Variants in GNAQ observed in about 807,000 individuals in gnomAD.
GNAQ encodes the protein guanine nucleotide-binding protein G(q) subunit alpha.
A neutral mutation model predicts 43.9 loss-of-function variants in GNAQ; 8 were observed. The observed-to-expected ratio is 0.18, with a 90% CI of 0.11 to 0.33. GNAQ has a LOEUF of 0.33. GNAQ is among the 10% of genes least tolerant of loss of function. The pLI, the probability that GNAQ is intolerant of heterozygous loss-of-function variation, is 1.00. For missense variants in GNAQ, 158 were observed against 450.8 expected, an observed-to-expected ratio of 0.35 and a Z score of 5.88; for synonymous variants, 155 against 170.7, an observed-to-expected ratio of 0.91 and a Z score of 0.71.
Position 77,749,903 on chromosome 9 carries a change from T to G in GNAQ, c.736-21236A>C, listed in dbSNP as rs1412051873. Among the ~76,000 whole-genome samples, 5 of 152,078 alleles carry G rather than the reference T, an allele frequency of 3.3e-5. No homozygotes were observed. The East Asian group carries it at 7.7e-4, about 23-fold the overall frequency. On this transcript the variant is annotated intron_variant, in intron 5 of 6. Coordinates refer to ENST00000286548, the MANE Select transcript of GNAQ (RefSeq NM_002072.5). The stretch of plus-strand genomic sequence containing the variant: ...ATGGGTTTTGATGTGATGAAAAAAA[T>G]ATTGTGTATATTTTTTTCATACATT...
At chr9:77,824,497 G>A (rs1827164465) in intron 2 of GNAQ, among the ~76,000 whole-genome samples, 1 of 152,112 alleles carries the variant, frequency 6.6e-6, no homozygotes, top group African/African-American at 2.4e-5. Context: ...ATTGCAGCTT[G>A]TTTGGATACA....
chr9:77,864,479 T>C (rs550780947), intron 2 of GNAQ, among the ~76,000 whole-genome samples: 1 of 152,280 alleles, frequency 6.6e-6, no homozygotes, highest in East Asian at 1.9e-4. Flanking sequence ...GTGGGCCCAA[T>C]GTAATCACAA....
chr9:77,943,660 C>CTTTTT (rs34195207), intron 1 of GNAQ, among the ~76,000 whole-genome samples: 7 of 116,168 alleles, frequency 6.0e-5, no homozygotes, highest in Non-Finnish European at 1.2e-4. Flanking sequence ...AAGTAACTAA[C>CTTTTT]TTTTTTTTTT....
chr9:77,920,909 G>A (rs1228450943), intron 2 of GNAQ, among the ~76,000 whole-genome samples: 1 of 152,170 alleles, frequency 6.6e-6, no homozygotes, highest in African/African-American at 2.4e-5. Flanking sequence ...TGGTAACAGA[G>A]GCAAAGGTAT....
intron 5 of GNAQ, among the ~76,000 whole-genome samples, chr9:77,765,216 G>C (rs1826116408): frequency 1.3e-5 from 2 of 152,038 alleles, no homozygotes; most frequent in East Asian, 3.9e-4. Context: ...ATGCATTGAG[G>C]AAGGGACAAA....
intron 5 of GNAQ, among the ~76,000 whole-genome samples, chr9:77,783,884 T>C (rs1313304498): frequency 2.6e-5 from 4 of 151,958 alleles, no homozygotes; most frequent in African/African-American, 7.3e-5. Context: ...GTGGGCAACA[T>C]AGCAAGACCC....
At chr9:77,893,506 T>C (rs1191219947) in intron 2 of GNAQ, among the ~76,000 whole-genome samples, 3 of 152,154 alleles carry the variant, frequency 2.0e-5, no homozygotes, top group Non-Finnish European at 4.4e-5. Context: ...AATCAAGAAA[T>C]AACTATAAGC....
Position 77,841,593 on chromosome 9 carries a change from T to C in GNAQ, c.322-25823A>G, listed in dbSNP as rs374402144. On this transcript the variant is annotated intron_variant, in intron 2 of 6. Coordinates refer to ENST00000286548, the MANE Select transcript of GNAQ (RefSeq NM_002072.5). ...ACTTAGCTGCATCCTAGAATTTGTA[T>C]ATCAAATGAAGCTACAAGAATCATT... Among the ~76,000 whole-genome samples the C allele has an allele frequency of 2.7e-4, 41 of 152,340 alleles. No individual in the cohort carries two copies. The East Asian group carries it at 6.2e-3, about 23-fold the overall frequency.
intron 5 of GNAQ, among the ~76,000 whole-genome samples, chr9:77,779,157 C>G (rs1349616509): frequency 1.3e-5 from 2 of 151,844 alleles, no homozygotes; most frequent in African/African-American, 4.8e-5. Context: ...CAAGACAGAC[C>G]ACATTATGGG....
intron 2 of GNAQ, among the ~76,000 whole-genome samples, chr9:77,828,059 CAAAAAAAAAAAAAAAA>C (rs71360654): frequency 1.7e-3 from 33 of 19,246 alleles, no homozygotes; most frequent in Admixed American, 4.9e-3. Context: ...GACTCCTCCT[CAAAAAAAAAAAAAAAA>C]AAAAAAAAAA....
At chr9:77,944,718 G>A (rs1352098480) in intron 1 of GNAQ, among the ~76,000 whole-genome samples, 1 of 152,198 alleles carries the variant, frequency 6.6e-6, no homozygotes, top group African/African-American at 2.4e-5. Context: ...GAAATTAACT[G>A]TGTAAAGTAC....
At chr9:78,009,942 G>T (rs780441127) in intron 1 of GNAQ, among the ~76,000 whole-genome samples, 22 of 152,188 alleles carry the variant, frequency 1.4e-4, no homozygotes, top group Non-Finnish European at 2.9e-4. Flanking sequence ...CAAGAAAAAT[G>T]AAACAAACAT....
chr9:77,748,903 C>G (rs1825770884), intron 5 of GNAQ, among the ~76,000 whole-genome samples: 1 of 152,038 alleles, frequency 6.6e-6, no homozygotes, highest in Non-Finnish European at 1.5e-5. Flanking sequence ...CCAGATTCCA[C>G]CAGTATAAAA....
chr9:77,893,098 G>A (rs1587391604), intron 2 of GNAQ, among the ~76,000 whole-genome samples: 1 of 152,190 alleles, frequency 6.6e-6, no homozygotes, highest in Admixed American at 6.5e-5. Flanking sequence ...TCAAACCAGA[G>A]CGACTCCATC....
At chr9:77,873,436 T>C (rs1038182830) in intron 2 of GNAQ, among the ~76,000 whole-genome samples, 5 of 152,232 alleles carry the variant, frequency 3.3e-5, no homozygotes, top group African/African-American at 1.2e-4. Context: ...GTTGAAAATT[T>C]GACCCCGCAT....
intron 2 of GNAQ, among the ~76,000 whole-genome samples, chr9:77,816,946 C>T (rs1827026868): frequency 6.6e-6 from 1 of 152,170 alleles, no homozygotes; most frequent in South Asian, 2.1e-4. Context: ...CACACTAAGA[C>T]TGAAGAAATC....
intron 1 of GNAQ, among the ~76,000 whole-genome samples, chr9:78,009,459 A>C (rs1459446717): frequency 6.6e-6 from 1 of 152,080 alleles, no homozygotes; most frequent in Non-Finnish European, 1.5e-5. Flanking sequence ...TTTTATACCA[A>C]CACAAGTGGT....
chr9:77,768,214 T>G (rs1220865402), intron 5 of GNAQ, among the ~76,000 whole-genome samples: 1 of 152,272 alleles, frequency 6.6e-6, no homozygotes, highest in African/African-American at 2.4e-5. Context: ...CACACAAAAC[T>G]GCCTTTTAGA....
intron 5 of GNAQ, among the ~76,000 whole-genome samples, chr9:77,791,589 C>A (rs943074979): frequency 2.0e-5 from 3 of 152,172 alleles, no homozygotes; most frequent in Non-Finnish European, 2.9e-5. Flanking sequence ...AAAAGAAATT[C>A]ATTCCCCAAA....
Sources: allele counts gnomAD v4.1 joint callset (sites outside exome capture counted in the v4.1 genomes callset), GRCh38; gene constraint gnomAD v4.1.1; transcripts MANE v1.5; gene names NCBI Gene and HGNC (gene_info 2026-07-23, HGNC 2026-07-21).